GNPTAB: variants seen among roughly 807,000 people sequenced by gnomAD.
The protein encoded by GNPTAB is N-acetylglucosamine-1-phosphate transferase subunits alpha and beta.
Under a neutral mutation model 136.6 loss-of-function variants are expected in GNPTAB, and 92 were observed. The ratio of observed to expected loss-of-function variants is 0.67; its 90% CI spans 0.57 to 0.80. The LOEUF (loss-of-function observed/expected upper bound fraction) is 0.80, where lower values mean the gene tolerates loss of function less well. Ranked by LOEUF, GNPTAB falls within the 30% of genes least tolerant of loss-of-function variation. The probability of loss-of-function intolerance (pLI) is 0.00; values close to 1 mark genes in which losing one functional copy is unlikely to be tolerated. For missense variants in GNPTAB, 1,343 were observed against 1,501.8 expected (o/e 0.89, Z 1.75); for synonymous variants, 512 against 535.1 (o/e 0.96, Z 0.60).
At chr12:101,752,937 A>T (rs1952841596) in intron 19 of GNPTAB, among the ~76,000 whole-genome samples, 1 of 152,202 alleles carries the variant, frequency 6.6e-6, no homozygotes, top group Non-Finnish European at 1.5e-5. Flanking sequence ...TTTACAAAGA[A>T]ATTAAAGAGC....
rs757500331 is a variant in GNPTAB at position 101,749,203 on chromosome 12, G to A, written c.3603-12C>T. Reference sequence around the variant, plus strand: ...CTCGATAAGCCCTCCTGTGCAGAGAGAAGAAAGCAACTATGTACTTCTGTA... The same window carrying A: ...CTCGATAAGCCCTCCTGTGCAGAGAAAAGAAAGCAACTATGTACTTCTGTA... On this transcript the variant is annotated splice_polypyrimidine_tract_variant and intron_variant, in intron 19 of 20. Coordinates refer to ENST00000299314, the MANE Select transcript of GNPTAB (RefSeq NM_024312.5). 1 of 1,528,174 alleles carries A rather than the reference G, an allele frequency of 6.5e-7. No individual in the cohort carries two copies. Among genetic ancestry groups the A allele is most frequent in the South Asian group, 1.1e-5 (1 of 89,378 alleles). 94.7% of individuals were successfully genotyped at this position (1,528,174 alleles called of 1,614,324 possible). A position where few individuals can be genotyped will look rare whatever the true frequency, so the allele number is the denominator to read the frequency against.
chr12:101,819,024 T>G lies in GNPTAB; in HGVS notation c.117+11535A>C, dbSNP rs1277685812. Among the ~76,000 whole-genome samples, 4 of 152,108 alleles carry G rather than the reference T, an allele frequency of 2.6e-5. No homozygotes were observed. In the East Asian group the frequency reaches 7.7e-4, roughly 29 times the overall value. On this transcript the variant is annotated intron_variant, in intron 1 of 20. Transcript: ENST00000299314. The stretch of plus-strand genomic sequence containing the variant: ...CATTAAAACTCTTTTTCCTTTTTTT[T>G]TTTTGAGACAGAGTCTCGCTCTTGT...
In GNPTAB at chr12:101,761,299, G is replaced by A; in HGVS notation, c.2963C>T (p.Ser988Phe). 1 of 1,614,152 alleles carries A rather than the reference G, an allele frequency of 6.2e-7. No individual in the cohort carries two copies. The highest frequency in any genetic ancestry group is 8.5e-7 in the Non-Finnish European group (1 of 1,180,038). The change falls in exon 15 of 21, where the codon TCT becomes TTT. Residue 988 changes from serine to phenylalanine, a missense_variant. Physicochemically the swap from Ser to Phe is radical, Grantham distance 155. Coordinates refer to ENST00000299314, the MANE Select transcript of GNPTAB (RefSeq NM_024312.5). ...AGAGAAGGCAAACTGCATATCCTCAGAATGGCGCACTTTGTGAAATGACGT... is the reference window on the plus strand; with the variant it reads ...AGAGAAGGCAAACTGCATATCCTCAAAATGGCGCACTTTGTGAAATGACGT... ...DKTSFHKVRH[S>F]EDMQFAFSYF...
At chr12:101,818,951 C>T (rs745961787) in intron 1 of GNPTAB, among the ~76,000 whole-genome samples, 1 of 152,068 alleles carries the variant, frequency 6.6e-6, no homozygotes, top group Non-Finnish European at 1.5e-5. Flanking sequence ...CCTCTTTCCC[C>T]TTTCACCATG....
intron 18 of GNPTAB, 63 bp from the exon 19 acceptor site, chr12:101,753,602 G>C (rs1952855430): frequency 7.6e-7 from 1 of 1,308,090 alleles, no homozygotes; most frequent in Admixed American, 1.7e-5. Flanking sequence ...AACAAAACAA[G>C]GATGTGGATT....
At chr12:101,787,931 G>T (rs1356073918) in intron 4 of GNPTAB, among the ~76,000 whole-genome samples, 1 of 90,070 alleles carries the variant, frequency 1.1e-5, no homozygotes, top group Non-Finnish European at 2.3e-5. Flanking sequence ...AAAAAAAAAA[G>T]GCACTTCTGG....
At chr12:101,761,784 G>C (rs752236574) in intron 13 of GNPTAB, 21 bp from the exon 14 acceptor site, 3 of 1,543,360 alleles carry the variant, frequency 1.9e-6, no homozygotes, top group African/African-American at 2.7e-5. Context: ...AATTCTACAT[G>C]TAACTCAGCA....
chr12:101,826,681 T>C (rs1429525903), intron 1 of GNPTAB, among the ~76,000 whole-genome samples: 5 of 152,098 alleles, frequency 3.3e-5, no homozygotes, highest in Admixed American at 6.5e-5. Context: ...TGTATATAAA[T>C]GGTTCGATTA....
intron 1 of GNPTAB, among the ~76,000 whole-genome samples, chr12:101,820,241 A>G (rs1315759352): frequency 6.6e-6 from 1 of 152,268 alleles, no homozygotes; most frequent in Non-Finnish European, 1.5e-5. Flanking sequence ...TATTCACTTA[A>G]GAACTACAAG....
Position 101,745,622 on chromosome 12 carries a change from T to C in GNPTAB, c.*1542A>G, listed in dbSNP as rs1174740716. 1.3e-5 allele frequency: 2 copies of C among 152,254 alleles called. No individual in the cohort carries two copies. The highest frequency in any genetic ancestry group is 6.5e-5 in the Admixed American group (1 of 15,286). The allele number at this position is 152,254 out of a possible 1,614,324, so 9.4% of individuals were successfully genotyped here. A position where few individuals can be genotyped will look rare whatever the true frequency, so the allele number is the denominator to read the frequency against. ...AGATGTATGCCATTTTGGAAGAATA[T>C]TGTTGAGATCATGATCTAAAATACC... is the stretch of plus-strand genomic sequence containing the variant. On this transcript the variant is annotated 3_prime_UTR_variant, in exon 21 of 21. Coordinates refer to ENST00000299314, the MANE Select transcript of GNPTAB (RefSeq NM_024312.5).
Position 101,764,402 on chromosome 12 carries a change from T to C in GNPTAB, c.2515A>G (p.Ile839Val), listed in dbSNP as rs1301435259. The change falls in exon 13 of 21, where the codon ATT (isoleucine) becomes GTT (valine). Residue 839 changes from isoleucine (I) to valine (V), a missense_variant. Coordinates refer to ENST00000299314, the MANE Select transcript of GNPTAB (RefSeq NM_024312.5). ...GTCATCTGGCTTTCCAGTGGAACAA[T>C]CAGAGATGGGGGCTTTTCTTTTGTC... ...NVTKEKPPSL[I>V]VPLESQMTKE... 6.2e-7 allele frequency: 1 copy of C among 1,613,754 alleles called. No individual in the cohort carries two copies. Among genetic ancestry groups the C allele is most frequent in the Non-Finnish European group, 8.5e-7 (1 of 1,180,026 alleles).
chr12:101,760,651 G>C (rs1392188449), intron 15 of GNPTAB, among the ~76,000 whole-genome samples: 3 of 151,932 alleles, frequency 2.0e-5, no homozygotes, highest in Admixed American at 1.3e-4. Context: ...CCCCAAATTT[G>C]GTTATAATTC....
At chr12:101,791,460 CA>C (rs548798010) in intron 2 of GNPTAB, among the ~76,000 whole-genome samples, 5,364 of 85,112 alleles carry the variant, frequency 0.063, 257 homozygotes, top group African/African-American at 0.18. Flanking sequence ...GTTGATGAGC[CA>C]AAAAAAAAAA....
intron 1 of GNPTAB, among the ~76,000 whole-genome samples, chr12:101,802,637 C>A (rs1244510203): frequency 3.3e-5 from 5 of 152,170 alleles, no homozygotes; most frequent in African/African-American, 1.2e-4. Flanking sequence ...GGAAAAACCT[C>A]CAGGCCTGTG....
intron 7 of GNPTAB, 57 bp from the exon 8 acceptor site, chr12:101,771,214 C>A: frequency 2.2e-6 from 3 of 1,364,166 alleles, no homozygotes; most frequent in South Asian, 1.2e-5. Flanking sequence ...GATGAAGCAC[C>A]TTTAAATTCC....
chr12:101,759,231 C>T (rs1472458632), intron 16 of GNPTAB, among the ~76,000 whole-genome samples: 3 of 151,724 alleles, frequency 2.0e-5, no homozygotes, highest in Non-Finnish European at 2.9e-5. Context: ...GGCGTGGTGG[C>T]GGGCGCCTGT....
In GNPTAB at chr12:101,770,591, A is replaced by C. The variant is rs763360090; in HGVS notation, c.934-6T>G. The C allele has an allele frequency of 5.0e-6, 8 of 1,607,880 alleles. No individual in the cohort carries two copies. The Admixed American group carries it at 1.2e-4, about 23-fold the overall frequency. ...ATGTCTTCATCCTGCTTAGACTGAGAAAAACACTTGGCATATGAAGATGTG... is the reference window on the plus strand; with the variant it reads ...ATGTCTTCATCCTGCTTAGACTGAGCAAAACACTTGGCATATGAAGATGTG... On this transcript the variant is annotated splice_polypyrimidine_tract_variant and splice_region_variant and intron_variant, in intron 8 of 20. Coordinates refer to ENST00000299314, the MANE Select transcript of GNPTAB (RefSeq NM_024312.5).
chr12:101,783,093 C>T (rs1280126136), intron 5 of GNPTAB, among the ~76,000 whole-genome samples: 4 of 151,570 alleles, frequency 2.6e-5, no homozygotes, highest in Non-Finnish European at 5.9e-5. Flanking sequence ...ACTTATTTAT[C>T]GTGTTTACCG....
rs77597686 is a variant in GNPTAB, at chr12:101,766,203, G to A, written c.1500C>T (p.Asn500=). 913 of 1,613,956 alleles carry A rather than the reference G, an allele frequency of 5.7e-4. 5 individuals are homozygous for A. In the African/African-American group the frequency reaches 0.01, roughly 18 times the overall value. The change falls in exon 12 of 21, where the codon AAC becomes AAT. Residue 500 remains asparagine (N), a synonymous_variant. Coordinates refer to ENST00000299314, the MANE Select transcript of GNPTAB (RefSeq NM_024312.5). Reference sequence around the variant, plus strand: ...ATCCCTGATTACAGTAAGAGACACTGTTTATTCCTCCACCAAACTGCCAGG... The same window carrying A: ...ATCCCTGATTACAGTAAGAGACACTATTTATTCCTCCACCAAACTGCCAGG... ...GQPWQFGGGI[N]SVSYCNQGCA...
Sources: allele counts gnomAD v4.1 joint callset (sites outside exome capture counted in the v4.1 genomes callset), GRCh38; gene constraint gnomAD v4.1.1; transcripts MANE v1.5; gene names NCBI Gene and HGNC (gene_info 2026-07-23, HGNC 2026-07-21).